Variants in ACADSB observed in about 807,000 individuals in gnomAD.
ACADSB encodes the protein acyl-CoA dehydrogenase short/branched chain, also known as short/branched chain specific acyl-CoA dehydrogenase, mitochondrial.
A neutral mutation model predicts 54.1 loss-of-function variants in ACADSB; 40 were observed. The ratio of observed to expected loss-of-function variants is 0.74; its 90% CI spans 0.57 to 0.96. The LOEUF (loss-of-function observed/expected upper bound fraction) is 0.96. Among genes scored for constraint, ACADSB ranks in the 40% least tolerant of loss-of-function variants. The probability of loss-of-function intolerance (pLI) is 0.00; values close to 1 mark genes in which losing one functional copy is unlikely to be tolerated. For missense variants in ACADSB, 530 were observed against 510.4 expected (o/e 1.04, Z -0.37); for synonymous variants, 182 against 182.8 (o/e 1.00, Z 0.03).
chr10:123,040,473 G>C lies in ACADSB; in HGVS notation c.311G>C (p.Gly104Ala), dbSNP rs773441544. The C allele has an allele frequency of 2.5e-6, 4 of 1,613,780 alleles. No homozygotes were observed. The East Asian group carries it at 8.9e-5, about 36-fold the overall frequency. ...IQGLFQQGLMGIEVDPEYGGT... is the reference protein window; with the variant it reads ...IQGLFQQGLMAIEVDPEYGGT... ...GCCTTGTTTTTTCTTTAGTTGATGGGTATTGAAGTTGACCCAGAATATGGA... is the reference window on the plus strand; with the variant it reads ...GCCTTGTTTTTTCTTTAGTTGATGGCTATTGAAGTTGACCCAGAATATGGA... The change falls in exon 4 of 11, where the codon GGT becomes GCT. Residue 104 changes from glycine (G) to alanine (A), a missense_variant. Physicochemically the swap from Gly to Ala is moderately conservative, Grantham distance 60. Transcript: ENST00000358776.
intron 7 of ACADSB, among the ~76,000 whole-genome samples, chr10:123,045,739 C>G (rs1254771704): frequency 6.6e-6 from 1 of 152,082 alleles, no homozygotes; most frequent in African/African-American, 2.4e-5. Flanking sequence ...TTAGACATGA[C>G]ATTAGAAACT....
intron 8 of ACADSB, among the ~76,000 whole-genome samples, chr10:123,047,679 G>A (rs1337280894): frequency 6.6e-6 from 1 of 152,162 alleles, no homozygotes; most frequent in African/African-American, 2.4e-5. Context: ...TGCCTCATCT[G>A]TAAAATAAAG....
At chr10:123,037,970 C>T (rs1206400438) in intron 3 of ACADSB, 123 bp downstream of exon 3, 1 of 758,416 alleles carries the variant, frequency 1.3e-6, no homozygotes, top group Non-Finnish European at 2.2e-6. Flanking sequence ...GGTTGAAATC[C>T]TACTTGATAT....
intron 8 of ACADSB, among the ~76,000 whole-genome samples, chr10:123,047,508 G>T (rs1850576580): frequency 6.6e-6 from 1 of 152,028 alleles, no homozygotes; most frequent in African/African-American, 2.4e-5. Context: ...CCCAGCTATG[G>T]CATGATTCAG....
chr10:123,013,156 A>G (rs977561311), intron 1 of ACADSB, among the ~76,000 whole-genome samples: 2 of 151,714 alleles, frequency 1.3e-5, no homozygotes, highest in Admixed American at 6.6e-5. Context: ...GATACAGAGT[A>G]CCGATTGGTG....
chr10:123,029,362 A>G (rs1435068271), intron 1 of ACADSB, among the ~76,000 whole-genome samples: 1 of 145,034 alleles, frequency 6.9e-6, no homozygotes, highest in Non-Finnish European at 1.6e-5. Context: ...AAAGAGAAGA[A>G]AAAAAAAAAA....
chr10:123,055,289 T>C lies in ACADSB; in HGVS notation c.*1524T>C. The C allele has an allele frequency of 5.2e-6, 1 of 193,366 alleles. No individual in the cohort carries two copies. The highest frequency in any genetic ancestry group is 1.0e-5 in the Non-Finnish European group (1 of 98,434). The allele number at this position is 193,366 out of a possible 1,614,324, so 12.0% of individuals were successfully genotyped here. A position where few individuals can be genotyped will look rare whatever the true frequency, so the allele number is the denominator to read the frequency against. ...CTTACATGGCGGCAGCAAGAGAAAA[T>C]GAGAAAGAAGCAAAAGTGGAAACCC... is the stretch of plus-strand genomic sequence containing the variant. On this transcript the variant is annotated 3_prime_UTR_variant, in exon 11 of 11. Coordinates refer to ENST00000358776, the MANE Select transcript of ACADSB (RefSeq NM_001609.4).
At chr10:123,030,137 G>A (rs966109358) in intron 1 of ACADSB, among the ~76,000 whole-genome samples, 5 of 152,176 alleles carry the variant, frequency 3.3e-5, no homozygotes, top group Non-Finnish European at 7.3e-5. Context: ...GGGGACACAT[G>A]CAAACCATGT....
At position 123,043,047 on chromosome 10, in the gene ACADSB, G is replaced by A. The variant is rs752932580; in HGVS notation, c.683G>A (p.Gly228Glu). The A allele has an allele frequency of 6.2e-7, 1 of 1,613,510 alleles. No individual in the cohort carries two copies. Among genetic ancestry groups the A allele is most frequent in the Non-Finnish European group, 8.5e-7 (1 of 1,179,596 alleles). The change falls in exon 6 of 11, where the codon GGA becomes GAA. Residue 228 changes from glycine to glutamate, a missense_variant and splice_region_variant. Coordinates refer to ENST00000358776, the MANE Select transcript of ACADSB (RefSeq NM_001609.4). Reference protein sequence around the residue: ...LVMANVDPTIGYKGITSFLVD... With the variant: ...LVMANVDPTIEYKGITSFLVD... Reference sequence around the variant, plus strand: ...TAGCGTTTTAATTCTTCTTTTTAGGGATATAAGGGAATTACCTCCTTCTTA... The same window carrying A: ...TAGCGTTTTAATTCTTCTTTTTAGGAATATAAGGGAATTACCTCCTTCTTA...
chr10:123,042,067 G>A (rs2133482439), intron 5 of ACADSB, among the ~76,000 whole-genome samples: 1 of 150,738 alleles, frequency 6.6e-6, no homozygotes, highest in East Asian at 2.0e-4. Flanking sequence ...CTGAGTTCAA[G>A]CGATTCTCCT....
At position 123,044,504 on chromosome 10, in the gene ACADSB, C is replaced by G. The variant is rs376383297; in HGVS notation, c.900+19C>G. 6 of 1,576,568 alleles carry G rather than the reference C, an allele frequency of 3.8e-6. No individual in the cohort carries two copies. In the African/African-American group the frequency reaches 6.8e-5, roughly 18 times the overall value. The stretch of plus-strand genomic sequence containing the variant: ...TGCACAGGTAAGTCAGATTTAAACT[C>G]TTCCATGATGTGAGTCAATTAAACT... On this transcript the variant is annotated intron_variant, in intron 7 of 10. Coordinates refer to ENST00000358776, the MANE Select transcript of ACADSB (RefSeq NM_001609.4).
In ACADSB at chr10:123,039,879, C is replaced by T. The variant is rs189362543; in HGVS notation, c.304-587C>T. ...TATTTTCTCATTCCATTAAGCTACC[C>T]TTTAAAGCATTTTACCTCTCATTAT... On this transcript the variant is annotated intron_variant, in intron 3 of 10. Coordinates refer to ENST00000358776, the MANE Select transcript of ACADSB (RefSeq NM_001609.4). Among the ~76,000 whole-genome samples the T allele has an allele frequency of 6.6e-5, 10 of 152,248 alleles. No homozygotes were observed. The East Asian group carries it at 1.2e-3, about 18-fold the overall frequency.
chr10:123,024,847 G>A (rs1277716732), intron 1 of ACADSB, among the ~76,000 whole-genome samples: 1 of 152,204 alleles, frequency 6.6e-6, no homozygotes, highest in African/African-American at 2.4e-5. Flanking sequence ...GGTATATGAT[G>A]TTTCCTGCCA....
chr10:123,037,896 G>A, intron 3 of ACADSB, 49 bp downstream of exon 3: 1 of 1,312,556 alleles, frequency 7.6e-7, no homozygotes, highest in Non-Finnish European at 1.1e-6. Flanking sequence ...TTAAATTCAG[G>A]GACTGTAATG....
intron 1 of ACADSB, among the ~76,000 whole-genome samples, chr10:123,019,859 A>C (rs1424641591): frequency 6.6e-6 from 1 of 152,166 alleles, no homozygotes; most frequent in Non-Finnish European, 1.5e-5. Context: ...CGCTACCCCT[A>C]ACCTCCTGTC....
In ACADSB at chr10:123,053,955, C is replaced by T; in HGVS notation, c.*190C>T. The stretch of plus-strand genomic sequence containing the variant: ...CTTTTCAGGCTGTTTAACTTAGGCA[C>T]AGGAGATCCACTTTTAAACTTGGGA... On this transcript the variant is annotated 3_prime_UTR_variant, in exon 11 of 11. Transcript: ENST00000358776. 1.6e-6 allele frequency: 1 copy of T among 625,554 alleles called. No individual in the cohort carries two copies. Among genetic ancestry groups the T allele is most frequent in the South Asian group, 1.9e-5 (1 of 52,254 alleles). 38.8% of individuals were successfully genotyped at this position (625,554 alleles called of 1,614,324 possible).
chr10:123,037,790 C>G lies in ACADSB; in HGVS notation c.246C>G (p.Thr82=). The G allele has an allele frequency of 6.2e-7, 1 of 1,612,514 alleles. No individual in the cohort carries two copies. The highest frequency in any genetic ancestry group is 1.3e-5 in the African/African-American group (1 of 74,954). The part of the protein sequence containing the change: ...AQEQIAPLVS[T]MDENSKMEKS... ...AACAAATTGCACCTTTGGTTTCAAC[C>G]ATGGATGAAAATTCGAAAATGGAGA... Residue 82 remains threonine (T), a synonymous_variant, in exon 3 of 11, where the codon ACC becomes ACG. Transcript: ENST00000358776.
At chr10:123,013,855 C>T (rs759365623) in intron 1 of ACADSB, among the ~76,000 whole-genome samples, 6 of 152,208 alleles carry the variant, frequency 3.9e-5, no homozygotes, top group African/African-American at 1.4e-4. Flanking sequence ...ACAAGCGCCA[C>T]GCAGCCCTGG....
chr10:123,043,280 C>T (rs904309054), intron 6 of ACADSB, 109 bp downstream of exon 6: 50 of 1,343,166 alleles, frequency 3.7e-5, no homozygotes, highest in Admixed American at 8.7e-5. Context: ...TATAAGCACA[C>T]GCAGGAGAGT....
Sources: allele counts gnomAD v4.1 joint callset (sites outside exome capture counted in the v4.1 genomes callset), GRCh38; gene constraint gnomAD v4.1.1; transcripts MANE v1.5; gene names NCBI Gene and HGNC (gene_info 2026-07-23, HGNC 2026-07-21).